MFHAS1: variants seen among roughly 807,000 people sequenced by gnomAD.
The protein encoded by MFHAS1 is malignant fibrous histiocytoma-amplified sequence 1.
MFHAS1 carries 50 observed loss-of-function variants against 70.4 expected under a neutral mutation model. That is an observed-to-expected ratio of 0.71 (90% CI 0.57 to 0.90). The LOEUF (loss-of-function observed/expected upper bound fraction) is 0.90. MFHAS1 is among the 40% of genes least tolerant of loss of function. The pLI, the probability that MFHAS1 is intolerant of heterozygous loss-of-function variation, is 0.00. For synonymous variants in MFHAS1, 952 were observed against 620.0 expected (o/e 1.54, Z -7.96); for missense variants, 1,795 against 1,347.6 (o/e 1.33, Z -5.20).
intron 1 of MFHAS1, among the ~76,000 whole-genome samples, chr8:8,847,601 G>C (rs1159273324): frequency 6.6e-6 from 1 of 152,162 alleles, no homozygotes; most frequent in Non-Finnish European, 1.5e-5. Flanking sequence ...TATATACTAA[G>C]AAATAAAAAG....
chr8:8,841,970 C>G (rs1378533207), intron 1 of MFHAS1, among the ~76,000 whole-genome samples: 1 of 152,208 alleles, frequency 6.6e-6, no homozygotes, highest in Non-Finnish European at 1.5e-5. Context: ...TCAGTCTCAG[C>G]AAGGCATGCA....
At chr8:8,793,672 C>A (rs892404483) in intron 2 of MFHAS1, among the ~76,000 whole-genome samples, 3 of 152,226 alleles carry the variant, frequency 2.0e-5, no homozygotes, top group Non-Finnish European at 2.9e-5. Flanking sequence ...GAGCAGACAG[C>A]ATGGACAGTT....
chr8:8,888,275 C>T (rs1170477570), intron 1 of MFHAS1, among the ~76,000 whole-genome samples: 2 of 152,134 alleles, frequency 1.3e-5, no homozygotes, highest in African/African-American at 2.4e-5. Context: ...AAGATGTCAC[C>T]TTCGGAAATA....
intron 1 of MFHAS1, among the ~76,000 whole-genome samples, chr8:8,854,451 G>A (rs111914672): frequency 0.13 from 19,313 of 151,890 alleles, 2,000 homozygotes; most frequent in African/African-American, 0.29. Flanking sequence ...AACCCGGGAG[G>A]CCGTACTTGC....
At chr8:8,871,365 C>A (rs1423440997) in intron 1 of MFHAS1, among the ~76,000 whole-genome samples, 1 of 152,198 alleles carries the variant, frequency 6.6e-6, no homozygotes, top group East Asian at 1.9e-4. Context: ...CCCTCGCCAA[C>A]TTGGTGAAAC....
At chr8:8,787,082 ATTAT>A (rs1805570123) in intron 2 of MFHAS1, among the ~76,000 whole-genome samples, 1 of 94,416 alleles carries the variant, frequency 1.1e-5, no homozygotes, top group Non-Finnish European at 2.1e-5. Context: ...CAGTATTATT[ATTAT>A]TTTTTTTTTT....
At chr8:8,864,476 T>C (rs185483697) in intron 1 of MFHAS1, among the ~76,000 whole-genome samples, 1 of 152,258 alleles carries the variant, frequency 6.6e-6, no homozygotes, top group Admixed American at 6.5e-5. Flanking sequence ...TGGACCAAAT[T>C]CATATCCTAA....
intron 1 of MFHAS1, among the ~76,000 whole-genome samples, chr8:8,839,630 T>C (rs1585045133): frequency 6.6e-6 from 1 of 152,228 alleles, no homozygotes; most frequent in East Asian, 1.9e-4. Context: ...GATGATGGCA[T>C]ATAAACAAAC....
At chr8:8,803,288 G>A (rs1307971081) in intron 1 of MFHAS1, among the ~76,000 whole-genome samples, 1 of 151,434 alleles carries the variant, frequency 6.6e-6, no homozygotes, top group East Asian at 2.0e-4. Flanking sequence ...AGGGGTGGGG[G>A]CAGATCATTT....
At position 8,843,706 on chromosome 8, in the gene MFHAS1, A is replaced by C. The variant is rs78845871; in HGVS notation, c.2999-46215T>G. On this transcript the variant is annotated intron_variant, in intron 1 of 2. Coordinates refer to ENST00000276282, the MANE Select transcript of MFHAS1 (RefSeq NM_004225.3). Reference sequence around the variant, plus strand: ...CGGTGTGGAAGAAGCAGGTCAGAAGAGAGGGCAGAGGCTCATTTCTCCCCA... The same window carrying C: ...CGGTGTGGAAGAAGCAGGTCAGAAGCGAGGGCAGAGGCTCATTTCTCCCCA... 2.4e-3 allele frequency among the ~76,000 whole-genome samples: 367 copies of C among 152,306 alleles called. 3 individuals are homozygous for C. Among genetic ancestry groups the C allele is most frequent in the African/African-American group, 8.3e-3 (345 of 41,568 alleles).
chr8:8,800,520 G>C (rs1227806461), intron 1 of MFHAS1, among the ~76,000 whole-genome samples: 1 of 152,156 alleles, frequency 6.6e-6, no homozygotes, highest in Non-Finnish European at 1.5e-5. Context: ...GTCCCACAGA[G>C]AGCTGCAGGT....
At chr8:8,797,795 G>C (rs1805959907) in intron 1 of MFHAS1, among the ~76,000 whole-genome samples, 1 of 152,134 alleles carries the variant, frequency 6.6e-6, no homozygotes, top group African/African-American at 2.4e-5. Context: ...CTGACTCCAG[G>C]GATCTTTATC....
intron 1 of MFHAS1, among the ~76,000 whole-genome samples, chr8:8,854,666 CAG>C (rs1391616822): frequency 7.2e-6 from 1 of 139,832 alleles, no homozygotes; most frequent in Non-Finnish European, 1.5e-5. Flanking sequence ...GCCTGGATGA[CAG>C]AGGGGGACTT....
At chr8:8,796,128 C>T (rs1395091435) in intron 2 of MFHAS1, among the ~76,000 whole-genome samples, 7 of 152,178 alleles carry the variant, frequency 4.6e-5, no homozygotes, top group Non-Finnish European at 8.8e-5. Context: ...AAAACCCAAA[C>T]CAACAGGATG....
intron 1 of MFHAS1, among the ~76,000 whole-genome samples, chr8:8,887,929 C>T (rs1469207053): frequency 6.6e-6 from 1 of 150,530 alleles, no homozygotes; most frequent in African/African-American, 2.4e-5. Flanking sequence ...TCTTTACTTG[C>T]TCAATAACCT....
chr8:8,846,209 T>C (rs1169156063), intron 1 of MFHAS1, among the ~76,000 whole-genome samples: 2 of 128,742 alleles, frequency 1.6e-5, no homozygotes, highest in Non-Finnish European at 3.2e-5. Context: ...GCTGAGAACA[T>C]GCCACTGCAC....
At chr8:8,823,179 A>G (rs1371887433) in intron 1 of MFHAS1, among the ~76,000 whole-genome samples, 1 of 152,196 alleles carries the variant, frequency 6.6e-6, no homozygotes, top group African/African-American at 2.4e-5. Flanking sequence ...AGTAACTACA[A>G]ACGGTTTTTC....
chr8:8,800,564 G>A (rs961422908), intron 1 of MFHAS1, among the ~76,000 whole-genome samples: 27 of 151,934 alleles, frequency 1.8e-4, no homozygotes, highest in Non-Finnish European at 3.7e-4. Flanking sequence ...GCACCACAGG[G>A]GCCAGGACTC....
chr8:8,849,975 G>A (rs1585050808), intron 1 of MFHAS1, among the ~76,000 whole-genome samples: 1 of 152,222 alleles, frequency 6.6e-6, no homozygotes, highest in African/African-American at 2.4e-5. Flanking sequence ...AAACTTTCAG[G>A]AAAGCAAAGG....
Sources: allele counts gnomAD v4.1 joint callset (sites outside exome capture counted in the v4.1 genomes callset), GRCh38; gene constraint gnomAD v4.1.1; transcripts MANE v1.5; gene names NCBI Gene and HGNC (gene_info 2026-07-23, HGNC 2026-07-21).